The following TFAP2A variants were observed in gnomAD, a reference collection of about 807,000 sequenced individuals.
The protein encoded by TFAP2A is transcription factor AP-2 alpha, also known as transcription factor AP-2-alpha.
In TFAP2A, 7 loss-of-function variants were observed where a neutral mutation model predicts 41.5. That is an observed-to-expected ratio of 0.17 (90% confidence interval 0.10 to 0.32). The LOEUF (loss-of-function observed/expected upper bound fraction) is 0.32, where lower values mean the gene tolerates loss of function less well. Among genes scored for constraint, TFAP2A ranks in the 10% least tolerant of loss-of-function variants. The pLI, the probability that TFAP2A is intolerant of heterozygous loss-of-function variation, is 1.00. For missense variants in TFAP2A, 416 were observed against 563.3 expected (o/e 0.74, Z 2.65); for synonymous variants, 247 against 242.8 (o/e 1.02, Z -0.16).
At chr6:10,411,494 CG>C in intron 1 of TFAP2A, 1 of 1,610,084 alleles carries the variant, frequency 6.2e-7, no homozygotes, top group Non-Finnish European at 8.5e-7. Flanking sequence ...CCCGAGGTTT[CG>C]GGCAGCTCCA....
chr6:10,403,207 T>A (rs1281532884), intron 4 of TFAP2A, among the ~76,000 whole-genome samples: 1 of 152,282 alleles, frequency 6.6e-6, no homozygotes, highest in Non-Finnish European at 1.5e-5. Flanking sequence ...AACAGATGTC[T>A]AAATAGAATC....
intron 1 of TFAP2A, chr6:10,414,452 T>TG (rs71548828): frequency 1.3e-5 from 3 of 231,858 alleles, no homozygotes; most frequent in Non-Finnish European, 2.6e-5. Context: ...GAAGTGGGGG[T>TG]GGGGGGAAGA....
At position 10,406,724 on chromosome 6, in the gene TFAP2A, T is replaced by C. The variant is rs1757732249; in HGVS notation, c.538+69A>G. The stretch of plus-strand genomic sequence containing the variant: ...CCTATTTGGAAAAAATAAACACATC[T>C]CTGCAAGTTCTTTTAAATAGCACTC... On this transcript the variant is annotated intron_variant, in intron 3 of 6. Coordinates refer to ENST00000379613, the MANE Select transcript of TFAP2A (RefSeq NM_001372066.1). 3 of 1,343,326 alleles carry C rather than the reference T, an allele frequency of 2.2e-6. No homozygotes were observed. In the Admixed American group the frequency reaches 5.0e-5, roughly 23 times the overall value. 83.2% of individuals were successfully genotyped at this position (1,343,326 alleles called of 1,614,324 possible).
At chr6:10,405,917 G>A (rs1757693481) in intron 3 of TFAP2A, 1 of 152,110 alleles carries the variant, frequency 6.6e-6, no homozygotes, top group Non-Finnish European at 1.5e-5. Flanking sequence ...ATGTCGACTT[G>A]GAAAGAGCAT....
rs187113259 is a variant in TFAP2A at position 10,400,427 on chromosome 6, C to T, written c.1031+21G>A. 4.3e-3 allele frequency: 6,875 copies of T among 1,614,140 alleles called. 19 individuals are homozygous for T. Among genetic ancestry groups the T allele is most frequent in the Non-Finnish European group, 4.6e-3 (5,433 of 1,180,018 alleles). On this transcript the variant is annotated intron_variant, in intron 6 of 6. Transcript: ENST00000379613. ...CTCTTGACAACGAGACACAGAGACC[C>T]CATAGAGGTAAATGCCTTACTTTGT...
At chr6:10,419,078 T>A (rs1758341027), upstream of TFAP2A, among the ~76,000 whole-genome samples, 1 of 151,644 alleles carries the variant, frequency 6.6e-6, no homozygotes, top group Non-Finnish European at 1.5e-5. Flanking sequence ...GAATTAGTCA[T>A]CCTCCCAAGT....
Position 10,397,773 on chromosome 6 carries a change from G to C in TFAP2A, c.*644C>G. On this transcript the variant is annotated 3_prime_UTR_variant, in exon 7 of 7. Transcript: ENST00000379613. ...TGATTCCCTTATATAACTGCGAATC[G>C]TGTTGCCAGAGAAAGTTCAAGTTGG... The C allele has an allele frequency of 1.3e-6, 1 of 768,998 alleles. No individual in the cohort carries two copies. The highest frequency in any genetic ancestry group is 6.7e-4 in the Middle Eastern group (1 of 1,488). 47.6% of individuals were successfully genotyped at this position (768,998 alleles called of 1,614,324 possible). A position where few individuals can be genotyped will look rare whatever the true frequency, so the allele number is the denominator to read the frequency against.
At chr6:10,410,487 G>A in intron 1 of TFAP2A, 152 bp from the exon 2 acceptor site, 1 of 738,912 alleles carries the variant, frequency 1.4e-6, no homozygotes, top group Non-Finnish European at 2.4e-6. Context: ...TTCTTTTCAG[G>A]AAATACCCTC....
chr6:10,402,299 A>G (rs1044948696), intron 5 of TFAP2A, 193 bp downstream of exon 5: 1 of 669,680 alleles, frequency 1.5e-6, no homozygotes, highest in Non-Finnish European at 2.8e-6. Flanking sequence ...AAAAGAAGGA[A>G]GAAGGATGGA....
intron 1 of TFAP2A, 76 bp from the exon 2 acceptor site, chr6:10,410,411 T>A: frequency 6.9e-7 from 1 of 1,442,128 alleles, no homozygotes. Flanking sequence ...AAAATCCACT[T>A]GACAAGTCTG....
chr6:10,404,667 C>T lies in TFAP2A; in HGVS notation c.611G>A (p.Gly204Asp). Residue 204 changes from glycine to aspartate, a missense_variant, in exon 4 of 7, where the codon GGC becomes GAC. By Grantham distance (94) the Gly-to-Asp change is moderately conservative. This residue lies in a region of TFAP2A where 241 missense variants were observed against 274.1 expected (regional missense o/e 0.88). Coordinates refer to ENST00000379613, the MANE Select transcript of TFAP2A (RefSeq NM_001372066.1). ...GACTTCGTTGGGGTTCACCACGCCG[C>T]CGAAGAGGTTGTCCTTGTTAATAGG... ...AIPINKDNLF[G>D]GVVNPNEVFC... 6.2e-7 allele frequency: 1 copy of T among 1,614,194 alleles called. No homozygotes were observed. Among genetic ancestry groups the T allele is most frequent in the Non-Finnish European group, 8.5e-7 (1 of 1,180,018 alleles).
At chr6:10,399,546 C>G (rs2114000652) in intron 6 of TFAP2A, among the ~76,000 whole-genome samples, 1 of 152,308 alleles carries the variant, frequency 6.6e-6, no homozygotes, top group Middle Eastern at 3.4e-3. Flanking sequence ...TGGGGCCTTC[C>G]AGGGGCAGCA....
chr6:10,414,588 C>G, intron 1 of TFAP2A: 1 of 465,172 alleles, frequency 2.1e-6, no homozygotes, highest in Non-Finnish European at 3.9e-6. Context: ...GGCCCTCAAT[C>G]TCGATGAAGA....
At chr6:10,409,620 A>C in intron 2 of TFAP2A, 1 of 445,916 alleles carries the variant, frequency 2.2e-6, no homozygotes, top group Non-Finnish European at 4.1e-6. Flanking sequence ...AGAGGAAGAT[A>C]TTGTTAATGG....
At chr6:10,419,354 T>A, upstream of TFAP2A, 3 of 1,523,740 alleles carry the variant, frequency 2.0e-6, no homozygotes, top group Non-Finnish European at 2.7e-6. Context: ...TCCTCCCCGC[T>A]CCGGCCCCCT....
chr6:10,415,313 A>G, upstream of TFAP2A: 1 of 1,341,994 alleles, frequency 7.5e-7, no homozygotes. Flanking sequence ...TAATCGCCTC[A>G]TTAGCATATC....
At position 10,408,440 on chromosome 6, in the gene TFAP2A, A is replaced by C. The variant is rs189044082; in HGVS notation, c.486+1461T>G. 2.2e-4 allele frequency among the ~76,000 whole-genome samples: 34 copies of C among 152,342 alleles called. No individual in the cohort carries two copies. In the East Asian group the frequency reaches 6.6e-3, roughly 29 times the overall value. On this transcript the variant is annotated intron_variant, in intron 2 of 6. Transcript: ENST00000379613. Reference sequence around the variant, plus strand: ...AGTAGTTCCAAAAGCTTGCAACATTATTTTGCAATTCAAATATTTTCAAAG... The same window carrying C: ...AGTAGTTCCAAAAGCTTGCAACATTCTTTTGCAATTCAAATATTTTCAAAG...
rs1356790715 is a variant in TFAP2A at position 10,396,831 on chromosome 6, G to A, written c.*1586C>T. On this transcript the variant is annotated 3_prime_UTR_variant, in exon 7 of 7. Transcript: ENST00000379613. ...TGTCATTTGTCTGAATACAGACACA[G>A]TGGAATATCTAAATGATACCCTGCT... 1 of 152,592 alleles carries A rather than the reference G, an allele frequency of 6.6e-6. No homozygotes were observed. Among genetic ancestry groups the A allele is most frequent in the African/African-American group, 2.4e-5 (1 of 41,426 alleles). The allele number at this position is 152,592 out of a possible 1,614,324, so 9.5% of individuals were successfully genotyped here.
upstream of TFAP2A, chr6:10,419,640 C>A: frequency 1.5e-6 from 1 of 686,098 alleles, no homozygotes; most frequent in Non-Finnish European, 2.6e-6. Context: ...ACTCCGCCAG[C>A]TGCAGTCCCA....
Sources: gnomAD v4.1 joint callset for allele counts (sites outside exome capture counted in the v4.1 genomes callset) on GRCh38, gnomAD v4.1.1 for gene constraint, gnomAD v4.1.1 regional missense constraint, MANE v1.5 for transcripts, NCBI Gene and HGNC (gene_info 2026-07-23, HGNC 2026-07-21) for gene names.